EPB41L1: variants seen among roughly 807,000 people sequenced by gnomAD.
EPB41L1 encodes the protein band 4.1-like protein 1.
Under a neutral mutation model 97.8 loss-of-function variants are expected in EPB41L1, and 29 were observed. That is an observed-to-expected ratio of 0.30 (90% confidence interval 0.22 to 0.40). EPB41L1 has a LOEUF of 0.40. EPB41L1 is among the 10% of genes least tolerant of loss of function. The pLI is 1.00. For synonymous variants in EPB41L1, 383 were observed against 459.2 expected (o/e 0.83, Z 2.12); for missense variants, 812 against 1,162.3 (o/e 0.70, Z 4.38).
At chr20:36,125,432 C>A in intron 2 of EPB41L1, 1 of 794,718 alleles carries the variant, frequency 1.3e-6, no homozygotes, top group African/African-American at 1.7e-5. Flanking sequence ...GGCTGCTGTT[C>A]GTACCTGCCT....
At chr20:36,150,225 C>A (rs1354427951), upstream of EPB41L1, among the ~76,000 whole-genome samples, 1 of 152,066 alleles carries the variant, frequency 6.6e-6, no homozygotes, top group Non-Finnish European at 1.5e-5. Context: ...CACATGCCAC[C>A]ATGCCCGGCT....
In EPB41L1 at chr20:36,224,118, T is replaced by C. The variant is rs74824820; in HGVS notation, c.2637+1724T>C. 9.2e-3 allele frequency among the ~76,000 whole-genome samples: 1,405 copies of C among 152,326 alleles called. 18 individuals carry two copies. The highest frequency in any genetic ancestry group is 0.03 in the African/African-American group (1,233 of 41,570). On this transcript the variant is annotated intron_variant, in intron 21 of 21. Transcript: ENST00000338074. ...GGACTAGGGCTGTTCAGCAGAACTTTCTGCAGTGATGGAAGTGTTCTTTCT... is the reference window on the plus strand; with the variant it reads ...GGACTAGGGCTGTTCAGCAGAACTTCCTGCAGTGATGGAAGTGTTCTTTCT...
At chr20:36,154,107 C>A (rs1190103261), upstream of EPB41L1, among the ~76,000 whole-genome samples, 1 of 152,168 alleles carries the variant, frequency 6.6e-6, no homozygotes, top group Non-Finnish European at 1.5e-5. This position sits in a 1 kb window ranked among gnomAD's most constrained non-coding sequence, Gnocchi z 5.5. Flanking sequence ...CATAGACACC[C>A]TCTGGACACA....
At chr20:36,139,571 A>C (rs1050620423) in intron 2 of EPB41L1, among the ~76,000 whole-genome samples, 2 of 152,170 alleles carry the variant, frequency 1.3e-5, no homozygotes, top group African/African-American at 4.8e-5. Context: ...CAGAAGTTTA[A>C]ATTTTTCCTC....
chr20:36,196,086 C>T (rs979123612), intron 13 of EPB41L1, among the ~76,000 whole-genome samples: 3 of 152,220 alleles, frequency 2.0e-5, no homozygotes, highest in Non-Finnish European at 2.9e-5. Context: ...TTCATCTGAA[C>T]TTTAACTGCA....
Position 36,207,458 on chromosome 20 carries a change from G to A in EPB41L1, c.1669-2030G>A, listed in dbSNP as rs775666826. 65 of 1,289,758 alleles carry A rather than the reference G, an allele frequency of 5.0e-5. No individual in the cohort carries two copies. The East Asian group carries it at 1.0e-3, about 20-fold the overall frequency. The allele number at this position is 1,289,758 out of a possible 1,614,324, so 79.9% of individuals were successfully genotyped here. On this transcript the variant is annotated intron_variant, in intron 14 of 21. Transcript: ENST00000338074. The surrounding 1 kb of genome is among the most constrained non-coding windows in gnomAD (Gnocchi z 4.9). Reference sequence around the variant, plus strand: ...AAGACCTCAGTGGCCAACAAAATTCGGATATTTGAGACCCACGGAGCTGAA... The same window carrying A: ...AAGACCTCAGTGGCCAACAAAATTCAGATATTTGAGACCCACGGAGCTGAA...
At chr20:36,153,987 A>C (rs1293411546), upstream of EPB41L1, among the ~76,000 whole-genome samples, 2 of 152,124 alleles carry the variant, frequency 1.3e-5, no homozygotes, top group Non-Finnish European at 2.9e-5. Flanking sequence ...CTGTGCTCAG[A>C]CACATACAGC....
chr20:36,100,542 T>C (rs2057978707), intron 1 of EPB41L1, among the ~76,000 whole-genome samples: 1 of 152,218 alleles, frequency 6.6e-6, no homozygotes, highest in Non-Finnish European at 1.5e-5. Flanking sequence ...ACATGCCTTA[T>C]GTCTTTTAAT....
At chr20:36,172,949 CTT>C (rs2061058766) in intron 1 of EPB41L1, among the ~76,000 whole-genome samples, 1 of 152,202 alleles carries the variant, frequency 6.6e-6, no homozygotes, top group Non-Finnish European at 1.5e-5. Flanking sequence ...CTCTCTCTCT[CTT>C]TCTCTCTCTG....
chr20:36,123,724 G>A (rs767125097), intron 2 of EPB41L1, among the ~76,000 whole-genome samples: 4 of 152,152 alleles, frequency 2.6e-5, no homozygotes, highest in South Asian at 2.1e-4. Context: ...GAGCCACTGC[G>A]CTTGGGCAGA....
At chr20:36,121,305 T>C (rs2058745067) in intron 2 of EPB41L1, among the ~76,000 whole-genome samples, 1 of 152,174 alleles carries the variant, frequency 6.6e-6, no homozygotes, top group Admixed American at 6.5e-5. Flanking sequence ...TTCATATCGT[T>C]CTCTGGCATT....
At chr20:36,208,505 TC>T in intron 14 of EPB41L1, 1 of 276,430 alleles carries the variant, frequency 3.6e-6, no homozygotes, top group South Asian at 2.9e-5. Flanking sequence ...GCAGCACCTC[TC>T]GTGCTGCTCA....
chr20:36,100,682 C>T (rs561889893), intron 1 of EPB41L1, among the ~76,000 whole-genome samples: 8 of 152,300 alleles, frequency 5.3e-5, no homozygotes, highest in Non-Finnish European at 1.0e-4. Flanking sequence ...TAGATCTGTC[C>T]GAAGCCCACC....
intron 11 of EPB41L1, among the ~76,000 whole-genome samples, chr20:36,191,563 C>A (rs1353302554): frequency 6.6e-6 from 1 of 151,900 alleles, no homozygotes; most frequent in African/African-American, 2.4e-5. Context: ...CCCTTCAGGG[C>A]CCAAGTCTCT....
At chr20:36,183,526 G>A (rs1323764180) in intron 6 of EPB41L1, among the ~76,000 whole-genome samples, 1 of 152,104 alleles carries the variant, frequency 6.6e-6, no homozygotes, top group Non-Finnish European at 1.5e-5. Context: ...CAATCCCCCT[G>A]GTCTTCCCTA....
intron 21 of EPB41L1, among the ~76,000 whole-genome samples, chr20:36,225,848 C>T (rs1047893300): frequency 1.3e-5 from 2 of 152,154 alleles, no homozygotes; most frequent in African/African-American, 2.4e-5. Flanking sequence ...CACCCCGCCG[C>T]GATGCAGTCT....
rs1415682126 is a variant in EPB41L1 at position 36,092,192 on chromosome 20, G to C, written c.-65+580G>C. The stretch of plus-strand genomic sequence containing the variant: ...GGCCAGGTCCTGGCTGGAGGTAGAC[G>C]AGGTCGGCGAGCTGGGCGCGGGGCC... On this transcript the variant is annotated intron_variant, in intron 1 of 19. Transcript: ENST00000202028. This position sits in a 1 kb window ranked among gnomAD's most constrained non-coding sequence, Gnocchi z 7.0. Among the ~76,000 whole-genome samples, 1 of 152,218 alleles carries C rather than the reference G, an allele frequency of 6.6e-6. No individual in the cohort carries two copies. Among genetic ancestry groups the C allele is most frequent in the Non-Finnish European group, 1.5e-5 (1 of 68,030 alleles).
At chr20:36,166,965 G>T (rs1473093491) in intron 1 of EPB41L1, among the ~76,000 whole-genome samples, 1 of 152,144 alleles carries the variant, frequency 6.6e-6, no homozygotes, top group Non-Finnish European at 1.5e-5. Context: ...AATAGATAGT[G>T]GTGATTTTTG....
rs142644065 is a variant in EPB41L1, at chr20:36,131,486, C to G, written c.-10+19006C>G. Reference sequence around the variant, plus strand: ...TGCTCCCAACTGTCCTCTGTCCATGCATTCATTCATCCTAAGGCGGGAGGC... The same window carrying G: ...TGCTCCCAACTGTCCTCTGTCCATGGATTCATTCATCCTAAGGCGGGAGGC... On this transcript the variant is annotated intron_variant, in intron 2 of 19. Coordinates refer to the EPB41L1 transcript ENST00000202028. Among the ~76,000 whole-genome samples the G allele has an allele frequency of 1.1e-4, 16 of 152,160 alleles. No individual in the cohort carries two copies. The East Asian group carries it at 3.1e-3, about 29-fold the overall frequency.
Sources: gnomAD v4.1 joint callset for allele counts (sites outside exome capture counted in the v4.1 genomes callset) on GRCh38, gnomAD v4.1.1 for gene constraint, Gnocchi (gnomAD v3.1) non-coding constraint, MANE v1.5 for transcripts, NCBI Gene and HGNC (gene_info 2026-07-23, HGNC 2026-07-21) for gene names.